Variants in TSPAN12 observed in about 807,000 individuals in gnomAD.
TSPAN12 encodes the protein tetraspanin-12.
TSPAN12 carries 19 observed loss-of-function variants against 39.2 expected under a neutral mutation model. The observed-to-expected ratio is 0.49, with a 90% CI of 0.34 to 0.71. The LOEUF (loss-of-function observed/expected upper bound fraction) is 0.71. Ranked by LOEUF, TSPAN12 falls within the 30% of genes least tolerant of loss-of-function variation. The pLI is 0.01. For missense variants in TSPAN12, 314 were observed against 359.9 expected, an observed-to-expected ratio of 0.87 and a Z score of 1.03; for synonymous variants, 119 against 124.8, an observed-to-expected ratio of 0.95 and a Z score of 0.31.
chr7:120,824,497 A>G (rs1230569978), intron 4 of TSPAN12, among the ~76,000 whole-genome samples: 1 of 151,934 alleles, frequency 6.6e-6, no homozygotes, highest in Non-Finnish European at 1.5e-5. Flanking sequence ...GAGTTGAACT[A>G]TTTTCCATGT....
intron 7 of TSPAN12, among the ~76,000 whole-genome samples, chr7:120,802,402 C>T (rs1193422684): frequency 6.6e-6 from 1 of 152,164 alleles, no homozygotes; most frequent in Admixed American, 6.5e-5. Context: ...AGGGCCTATT[C>T]CTAACAATCT....
chr7:120,792,075 A>G lies in TSPAN12; in HGVS notation c.613-3178T>C, dbSNP rs376585194. Among the ~76,000 whole-genome samples the G allele has an allele frequency of 7.9e-5, 12 of 152,342 alleles. No homozygotes were observed. The East Asian group carries it at 1.5e-3, about 20-fold the overall frequency. On this transcript the variant is annotated intron_variant, in intron 7 of 7. Coordinates refer to ENST00000222747, the MANE Select transcript of TSPAN12 (RefSeq NM_012338.4). ...AGCGTTTATTCACGAAAAGCTGCTG[A>G]ATCTCTTAGGAACAGCAAGTGCTAT...
chr7:120,798,085 T>C (rs994424273), intron 7 of TSPAN12, among the ~76,000 whole-genome samples: 3 of 152,218 alleles, frequency 2.0e-5, no homozygotes, highest in Non-Finnish European at 2.9e-5. Context: ...AAAGGAAACA[T>C]TGTTTGATTG....
At chr7:120,838,151 AT>A (rs1345754885) in intron 4 of TSPAN12, among the ~76,000 whole-genome samples, 1 of 152,238 alleles carries the variant, frequency 6.6e-6, no homozygotes, top group Non-Finnish European at 1.5e-5. Flanking sequence ...TCTTCTAAAA[AT>A]ATCTATATAA....
chr7:120,810,623 T>TAC, intron 5 of TSPAN12, 53 bp from the exon 6 acceptor site: 3 of 771,078 alleles, frequency 3.9e-6, no homozygotes, highest in Non-Finnish European at 2.2e-6. Context: ...CAGACACAGA[T>TAC]TCACACACAC....
In TSPAN12 at chr7:120,790,341, C is replaced by G. The variant is rs111684481; in HGVS notation, c.613-1444G>C. On this transcript the variant is annotated intron_variant, in intron 7 of 7. Transcript: ENST00000222747. ...TCTCTCTGTGCTTCAGTTTTCTTGT[C>G]TAAAAACATAGATGATAATAGTGCT... Among the ~76,000 whole-genome samples, 240 of 152,194 alleles carry G rather than the reference C, an allele frequency of 1.6e-3. 1 individual carries two copies. Among genetic ancestry groups the G allele is most frequent in the African/African-American group, 5.5e-3 (227 of 41,530 alleles).
rs369076306 is a variant in TSPAN12 at position 120,813,825 on chromosome 7, G to A, written c.360+1904C>T. Among the ~76,000 whole-genome samples, 209 of 152,290 alleles carry A rather than the reference G, an allele frequency of 1.4e-3. 3 individuals are homozygous for A. In the South Asian group the frequency reaches 0.042, roughly 30 times the overall value. ...ACAGAAACCGATTCCCTGGAGTCAA[G>A]TACTTTATCACTCCCCTAATAAAGT... is the stretch of plus-strand genomic sequence containing the variant. On this transcript the variant is annotated intron_variant, in intron 5 of 7. Transcript: ENST00000222747.
At chr7:120,854,478 C>A (rs927977254) in intron 2 of TSPAN12, among the ~76,000 whole-genome samples, 44 of 152,200 alleles carry the variant, frequency 2.9e-4, no homozygotes, top group African/African-American at 9.7e-4. Context: ...TATGTTAACT[C>A]TAATCCTCCT....
chr7:120,803,846 T>C (rs901554910), intron 7 of TSPAN12, among the ~76,000 whole-genome samples: 1 of 152,180 alleles, frequency 6.6e-6, no homozygotes, highest in Non-Finnish European at 1.5e-5. Flanking sequence ...AGCATCCCTT[T>C]ATAAAGTAGT....
intron 4 of TSPAN12, among the ~76,000 whole-genome samples, chr7:120,819,902 T>C (rs947854700): frequency 3.9e-5 from 6 of 152,186 alleles, no homozygotes; most frequent in African/African-American, 1.4e-4. Context: ...TAAAGCATGA[T>C]GCTAATCTTA....
intron 4 of TSPAN12, among the ~76,000 whole-genome samples, chr7:120,819,170 T>C (rs894815595): frequency 1.4e-4 from 22 of 152,222 alleles, no homozygotes; most frequent in African/African-American, 4.8e-4. Context: ...AAAGCATCCC[T>C]GAAAAGGCAA....
intron 4 of TSPAN12, among the ~76,000 whole-genome samples, chr7:120,825,377 T>C (rs1448431341): frequency 6.6e-6 from 1 of 152,214 alleles, no homozygotes; most frequent in African/African-American, 2.4e-5. Flanking sequence ...TCTTGTAAAA[T>C]TGATACAACC....
chr7:120,819,367 G>A (rs1463663516), intron 4 of TSPAN12, among the ~76,000 whole-genome samples: 1 of 152,130 alleles, frequency 6.6e-6, no homozygotes, highest in Non-Finnish European at 1.5e-5. Context: ...TGTAGCCCAT[G>A]ATTGGTGGGG....
chr7:120,853,964 A>G (rs1794821399), intron 2 of TSPAN12, among the ~76,000 whole-genome samples: 1 of 152,196 alleles, frequency 6.6e-6, no homozygotes, highest in South Asian at 2.1e-4. Context: ...GATAACATAA[A>G]TGAAATTAAC....
intron 2 of TSPAN12, among the ~76,000 whole-genome samples, chr7:120,851,966 A>G (rs1794777019): frequency 6.6e-6 from 1 of 152,190 alleles, no homozygotes; most frequent in Non-Finnish European, 1.5e-5. Context: ...CCATACAATA[A>G]AGAGAATGCA....
intron 7 of TSPAN12, 102 bp downstream of exon 7, chr7:120,806,447 A>T: frequency 7.1e-7 from 1 of 1,399,280 alleles, no homozygotes; most frequent in East Asian, 2.3e-5. Context: ...GGCCTTTTAC[A>T]TTTAGACAGA....
At chr7:120,823,296 GAT>G (rs140989111) in intron 4 of TSPAN12, among the ~76,000 whole-genome samples, 7,917 of 147,208 alleles carry the variant, frequency 0.054, 506 homozygotes, top group East Asian at 0.31. Context: ...AGAATGTTCT[GAT>G]ATATATATAT....
At chr7:120,857,464 G>A (rs1196101893) in intron 1 of TSPAN12, 1 of 149,012 alleles carries the variant, frequency 6.7e-6, no homozygotes, top group Non-Finnish European at 1.5e-5. Flanking sequence ...GAGAAATGAT[G>A]TTTTCGGCCC....
intron 4 of TSPAN12, among the ~76,000 whole-genome samples, chr7:120,834,719 G>A (rs541553438): frequency 6.6e-6 from 1 of 152,164 alleles, no homozygotes; most frequent in South Asian, 2.1e-4. Context: ...ACAGGGAAAT[G>A]GACAAGTTGG....
Sources: gnomAD v4.1 joint callset for allele counts (sites outside exome capture counted in the v4.1 genomes callset) on GRCh38, gnomAD v4.1.1 for gene constraint, MANE v1.5 for transcripts, NCBI Gene and HGNC (gene_info 2026-07-23, HGNC 2026-07-21) for gene names.